Variants in R3HDM2 observed in about 807,000 individuals in gnomAD.
R3HDM2 encodes the protein R3H domain-containing protein 2.
R3HDM2 carries 38 observed loss-of-function variants against 124.5 expected under a neutral mutation model. The observed-to-expected ratio is 0.31, with a 90% CI of 0.24 to 0.40. The LOEUF (loss-of-function observed/expected upper bound fraction) is 0.40, where lower values mean the gene tolerates loss of function less well. Among genes scored for constraint, R3HDM2 ranks in the 10% least tolerant of loss-of-function variants. The pLI is 1.00. For missense variants in R3HDM2, 869 were observed against 1,236.9 expected (o/e 0.70, Z 4.46); for synonymous variants, 391 against 448.0 (o/e 0.87, Z 1.61).
intron 2 of R3HDM2, among the ~76,000 whole-genome samples, chr12:57,313,453 A>T (rs2054339262): frequency 6.6e-6 from 1 of 151,718 alleles, no homozygotes; most frequent in Non-Finnish European, 1.5e-5. Context: ...AGTCTCAGCT[A>T]CTCAAGAGGC....
chr12:57,346,473 A>G (rs548224880), intron 2 of R3HDM2, among the ~76,000 whole-genome samples: 7 of 152,298 alleles, frequency 4.6e-5, no homozygotes, highest in Admixed American at 3.9e-4. Flanking sequence ...ACAAAAAAAA[A>G]AGAAACCATG....
At chr12:57,361,231 C>T (rs981361921) in intron 2 of R3HDM2, among the ~76,000 whole-genome samples, 1 of 151,010 alleles carries the variant, frequency 6.6e-6, no homozygotes, top group Non-Finnish European at 1.5e-5. Context: ...CAAAATGAGC[C>T]GAGCATGGTG....
chr12:57,370,684 AC>A (rs1056451965), intron 2 of R3HDM2, among the ~76,000 whole-genome samples: 4 of 152,120 alleles, frequency 2.6e-5, no homozygotes, highest in African/African-American at 9.7e-5. Context: ...TTGATAAATT[AC>A]CCAGTCTCAG....
At chr12:57,346,368 G>C (rs1269484547) in intron 2 of R3HDM2, among the ~76,000 whole-genome samples, 1 of 150,966 alleles carries the variant, frequency 6.6e-6, no homozygotes, top group African/African-American at 2.4e-5. Flanking sequence ...TGAGGCAGGA[G>C]AATCACTTGA....
At chr12:57,321,854 G>GA (rs1044900096) in intron 2 of R3HDM2, among the ~76,000 whole-genome samples, 1 of 152,160 alleles carries the variant, frequency 6.6e-6, no homozygotes, top group African/African-American at 2.4e-5. Context: ...ACTGGAAAGA[G>GA]AAAGAAGGGA....
At chr12:57,256,358 C>T (rs548349608) in intron 22 of R3HDM2, 56 bp downstream of exon 22, 352 of 1,386,244 alleles carry the variant, frequency 2.5e-4, no homozygotes, top group Middle Eastern at 1.1e-3. Flanking sequence ...CAGACACAGG[C>T]ACCCAAATAA....
chr12:57,339,785 A>G (rs2059337511), intron 2 of R3HDM2, among the ~76,000 whole-genome samples: 1 of 152,114 alleles, frequency 6.6e-6, no homozygotes, highest in Non-Finnish European at 1.5e-5. Context: ...GATATCAGAG[A>G]GAAGAGAATT....
chr12:57,319,043 A>G (rs2055797886), intron 2 of R3HDM2, among the ~76,000 whole-genome samples: 1 of 152,232 alleles, frequency 6.6e-6, no homozygotes, highest in Non-Finnish European at 1.5e-5. Context: ...CAAGGGAATC[A>G]TGGAATCTCA....
chr12:57,335,047 C>T (rs1001250871), intron 2 of R3HDM2, among the ~76,000 whole-genome samples: 11 of 151,112 alleles, frequency 7.3e-5, no homozygotes, highest in Non-Finnish European at 1.6e-4. Context: ...GAGGCTATAG[C>T]AGGAGGATCC....
chr12:57,348,913 C>A (rs2060361340), intron 2 of R3HDM2, among the ~76,000 whole-genome samples: 1 of 151,996 alleles, frequency 6.6e-6, no homozygotes, highest in Non-Finnish European at 1.5e-5. Context: ...AAGCGGAAAT[C>A]AAGTAGTATT....
chr12:57,412,544 AG>A (rs1477870109), intron 1 of R3HDM2, among the ~76,000 whole-genome samples: 1 of 152,154 alleles, frequency 6.6e-6, no homozygotes, highest in African/African-American at 2.4e-5. Flanking sequence ...TCTGTCTCAA[AG>A]AAAAAATTAA....
At chr12:57,266,474 T>A (rs757929542) in intron 19 of R3HDM2, among the ~76,000 whole-genome samples, 26 of 152,304 alleles carry the variant, frequency 1.7e-4, no homozygotes, top group South Asian at 8.3e-4. Flanking sequence ...GCTCAAGTGA[T>A]CCTCCTGCCT....
At chr12:57,416,273 G>A (rs1410241311) in intron 1 of R3HDM2, among the ~76,000 whole-genome samples, 1 of 152,012 alleles carries the variant, frequency 6.6e-6, no homozygotes, top group Non-Finnish European at 1.5e-5. Context: ...AGGGAGAGAG[G>A]AAGAGAAAAA....
At chr12:57,391,374 C>T (rs1193656763) in intron 2 of R3HDM2, among the ~76,000 whole-genome samples, 1 of 152,086 alleles carries the variant, frequency 6.6e-6, no homozygotes, top group African/African-American at 2.4e-5. Flanking sequence ...ACTGTATATA[C>T]TATAGGATTC....
intron 2 of R3HDM2, among the ~76,000 whole-genome samples, chr12:57,380,296 A>C (rs2064673504): frequency 6.6e-6 from 1 of 152,198 alleles, no homozygotes; most frequent in Non-Finnish European, 1.5e-5. Flanking sequence ...TTCTGATGAA[A>C]GTTCATTTCC....
chr12:57,276,663 G>A (rs1437105585), intron 14 of R3HDM2, among the ~76,000 whole-genome samples: 2 of 152,288 alleles, frequency 1.3e-5, no homozygotes, highest in East Asian at 1.9e-4. Context: ...CAAGGTGGGC[G>A]GATCATGAGG....
chr12:57,387,611 TG>T (rs2066039235), intron 2 of R3HDM2, among the ~76,000 whole-genome samples: 1 of 152,228 alleles, frequency 6.6e-6, no homozygotes, highest in African/African-American at 2.4e-5. Flanking sequence ...AAAAGCTCTC[TG>T]GAGATTTCAA....
Position 57,296,540 on chromosome 12 carries a change from T to C in R3HDM2, c.572A>G (p.Lys191Arg), listed in dbSNP as rs1392173040. The change falls in exon 9 of 24, where the codon AAG (lysine) becomes AGG (arginine). Residue 191 changes from lysine to arginine, a missense_variant. Around this residue, in one of 2 missense-constraint regions of R3HDM2, gnomAD observed 267 missense variants for 447.7 expected, o/e 0.60. Coordinates refer to ENST00000402412, the MANE Select transcript of R3HDM2 (RefSeq NM_001394031.1). This position sits in a 1 kb window ranked among gnomAD's most constrained non-coding sequence, Gnocchi z 4.5. ...EFINDNNNQF[K>R]KFPQMTSYHR... ...ATATGAGGTCATCTGAGGGAACTTC[T>C]TGAACTGATTACTGAAGGGAAACCC... The C allele has an allele frequency of 1.3e-6, 2 of 1,551,710 alleles. No homozygotes were observed. Among genetic ancestry groups the C allele is most frequent in the East Asian group, 2.4e-5 (1 of 40,928 alleles).
chr12:57,299,879 T>A (rs1592940930), intron 5 of R3HDM2, among the ~76,000 whole-genome samples: 1 of 151,898 alleles, frequency 6.6e-6, no homozygotes, highest in African/African-American at 2.4e-5. Flanking sequence ...TTTTTTAGGG[T>A]CCCCCTCCTC....
Sources: allele counts gnomAD v4.1 joint callset (sites outside exome capture counted in the v4.1 genomes callset), GRCh38; gene constraint gnomAD v4.1.1; regional missense constraint gnomAD v4.1.1; non-coding constraint Gnocchi (gnomAD v3.1); transcripts MANE v1.5; gene names NCBI Gene and HGNC (gene_info 2026-07-23, HGNC 2026-07-21).